The following CENPW variants were observed in gnomAD, a reference collection of about 807,000 sequenced individuals.
CENPW encodes centromere protein W.
In CENPW, 3 loss-of-function variants were observed where a neutral mutation model predicts 11.1. The ratio of observed to expected loss-of-function variants is 0.27; its 90% CI spans 0.12 to 0.70. The LOEUF is 0.70. Among genes scored for constraint, CENPW ranks in the 30% least tolerant of loss-of-function variants. CENPW has a pLI of 0.77. For synonymous variants in CENPW, 38 were observed against 42.0 expected, an observed-to-expected ratio of 0.91 and a Z score of 0.37; for missense variants, 100 against 105.6, an observed-to-expected ratio of 0.95 and a Z score of 0.23.
At chr6:126,430,229 T>C in the CENPW span, among the ~76,000 whole-genome samples, 1 of 152,190 alleles carries the variant, frequency 6.6e-6, no homozygotes, top group Non-Finnish European at 1.5e-5. Flanking sequence ...ATATCAGGTG[T>C]GTAGTACCTA....
At chr6:126,441,785 C>T in the CENPW span, among the ~76,000 whole-genome samples, 8 of 151,610 alleles carry the variant, frequency 5.3e-5, no homozygotes, top group Admixed American at 1.3e-4. Context: ...GCTATCATTT[C>T]GTTCCTTTCA....
At chr6:126,481,476 T>A in the CENPW span, among the ~76,000 whole-genome samples, 1 of 152,094 alleles carries the variant, frequency 6.6e-6, no homozygotes, top group Non-Finnish European at 1.5e-5. Context: ...TGCTGTGTCC[T>A]ATATGGTGGA....
chr6:126,393,680 T>C, the CENPW span, among the ~76,000 whole-genome samples: 2 of 150,824 alleles, frequency 1.3e-5, no homozygotes, highest in Non-Finnish European at 3.0e-5. Context: ...TTTTCATGAC[T>C]TGTTTTGTGA....
At chr6:126,439,667 AGACGGCT>A in the CENPW span, among the ~76,000 whole-genome samples, 1 of 151,704 alleles carries the variant, frequency 6.6e-6, no homozygotes, top group Non-Finnish European at 1.5e-5. Context: ...GGCCACTTGA[AGACGGCT>A]GTAGTTTATC....
At chr6:126,412,853 G>C in the CENPW span, among the ~76,000 whole-genome samples, 1 of 152,066 alleles carries the variant, frequency 6.6e-6, no homozygotes, top group South Asian at 2.1e-4. Context: ...AGCCCCTCTA[G>C]TCAGTTTTCT....
At chr6:126,461,123 A>G in the CENPW span, among the ~76,000 whole-genome samples, 3 of 151,856 alleles carry the variant, frequency 2.0e-5, no homozygotes, top group Non-Finnish European at 4.4e-5. Context: ...CTCATTTTGT[A>G]GTTCCCATAA....
the CENPW span, among the ~76,000 whole-genome samples, chr6:126,431,597 T>C: frequency 1.3e-5 from 2 of 152,220 alleles, no homozygotes; most frequent in African/African-American, 4.8e-5. Flanking sequence ...TCCGTTATTA[T>C]GAAATTCTAA....
At chr6:126,406,370 T>A in the CENPW span, among the ~76,000 whole-genome samples, 1 of 152,172 alleles carries the variant, frequency 6.6e-6, no homozygotes, top group African/African-American at 2.4e-5. Context: ...ATATTTTGGA[T>A]CTATGTTCAT....
At chr6:126,396,719 G>A in the CENPW span, among the ~76,000 whole-genome samples, 29 of 151,986 alleles carry the variant, frequency 1.9e-4, 1 homozygote, top group Non-Finnish European at 2.9e-5. Context: ...ATAGTTCCTG[G>A]GTGTTACTGC....
the CENPW span, among the ~76,000 whole-genome samples, chr6:126,473,712 G>A: frequency 2.6e-5 from 4 of 151,546 alleles, no homozygotes; most frequent in Admixed American, 1.3e-4. Context: ...CAGTCTGGAC[G>A]AGAGTGAATC....
the CENPW span, among the ~76,000 whole-genome samples, chr6:126,480,701 T>G: frequency 6.6e-6 from 1 of 152,048 alleles, no homozygotes; most frequent in African/African-American, 2.4e-5. Flanking sequence ...GGTAGAAAAT[T>G]TTTATTTCAG....
chr6:126,422,830 A>T, the CENPW span, among the ~76,000 whole-genome samples: 1 of 152,154 alleles, frequency 6.6e-6, no homozygotes, highest in East Asian at 1.9e-4. Flanking sequence ...CTCCCCTTTT[A>T]AGTTAGGTAC....
the CENPW span, among the ~76,000 whole-genome samples, chr6:126,364,963 C>CT: frequency 6.6e-6 from 1 of 152,286 alleles, no homozygotes; most frequent in Non-Finnish European, 1.5e-5. Flanking sequence ...AATCAAGAAA[C>CT]TAAGATTCAG....
rs188565913 is a variant in CENPW at position 126,341,511 on chromosome 6, C to A, written c.126+1112C>A. 4.6e-5 allele frequency among the ~76,000 whole-genome samples: 7 copies of A among 152,166 alleles called. No homozygotes were observed. The East Asian group carries it at 1.2e-3, about 25-fold the overall frequency. On this transcript the variant is annotated intron_variant, in intron 1 of 2. Coordinates refer to ENST00000368328, the MANE Select transcript of CENPW (RefSeq NM_001012507.4). ...TTTCCCCTTATTTGGTCTCTGAAGC[C>A]AAAACACAACAAAAACACATTTTCC...
chr6:126,362,304 T>G, the CENPW span, among the ~76,000 whole-genome samples: 1 of 152,168 alleles, frequency 6.6e-6, no homozygotes, highest in South Asian at 2.1e-4. Context: ...CCCTGTCTGC[T>G]TACTCCCTGG....
chr6:126,423,787 C>CT, the CENPW span, among the ~76,000 whole-genome samples: 21 of 142,478 alleles, frequency 1.5e-4, no homozygotes, highest in Admixed American at 2.8e-4. Context: ...TAAGTTGTTA[C>CT]TTTTTTTTTT....
chr6:126,397,555 T>C, the CENPW span, among the ~76,000 whole-genome samples: 1 of 152,186 alleles, frequency 6.6e-6, no homozygotes, highest in Non-Finnish European at 1.5e-5. Context: ...TTGATTCTTA[T>C]GAAGGTGATT....
the CENPW span, among the ~76,000 whole-genome samples, chr6:126,416,396 C>A: frequency 6.6e-6 from 1 of 152,076 alleles, no homozygotes; most frequent in African/African-American, 2.4e-5. Flanking sequence ...AAAGAAAATC[C>A]CATTTTCTGA....
At chr6:126,464,194 A>G in the CENPW span, among the ~76,000 whole-genome samples, 1 of 152,138 alleles carries the variant, frequency 6.6e-6, no homozygotes, top group Non-Finnish European at 1.5e-5. Context: ...AACTCTCCAT[A>G]TTAAAAATTA....
Sources: allele counts gnomAD v4.1 joint callset (sites outside exome capture counted in the v4.1 genomes callset), GRCh38; gene constraint gnomAD v4.1.1; transcripts MANE v1.5; gene names NCBI Gene and HGNC (gene_info 2026-07-23, HGNC 2026-07-21).